The following HRH2 variants were observed in gnomAD, a reference collection of about 807,000 sequenced individuals.
HRH2 encodes histamine H2 receptor.
Under a neutral mutation model 20.1 loss-of-function variants are expected in HRH2, and 4 were observed. The ratio of observed to expected loss-of-function variants is 0.20; its 90% CI spans 0.10 to 0.45. The LOEUF is 0.45. HRH2 is among the 20% of genes least tolerant of loss of function. The pLI is 0.99. For synonymous variants in HRH2, 197 were observed against 200.7 expected (o/e 0.98, Z 0.16); for missense variants, 250 against 461.6 (o/e 0.54, Z 4.20).
intron 1 of HRH2, among the ~76,000 whole-genome samples, chr5:175,671,231 C>T (rs1402967483): frequency 1.3e-5 from 2 of 152,180 alleles, no homozygotes; most frequent in Non-Finnish European, 1.5e-5. Flanking sequence ...GTTTGTGGGG[C>T]ACCGCATGGG....
chr5:175,671,343 C>T (rs1755533159), intron 1 of HRH2, among the ~76,000 whole-genome samples: 1 of 152,110 alleles, frequency 6.6e-6, no homozygotes, highest in African/African-American at 2.4e-5. Flanking sequence ...TTAAGGTGAC[C>T]CAGCTGGTTG....
At position 175,664,540 on chromosome 5, in the gene HRH2, G is replaced by A. The variant is rs112779388; in HGVS notation, c.-526+6385G>A. Among the ~76,000 whole-genome samples, 491 of 152,284 alleles carry A rather than the reference G, an allele frequency of 3.2e-3. 4 individuals are homozygous for A. The highest frequency in any genetic ancestry group is 0.011 in the African/African-American group (453 of 41,554). Reference sequence around the variant, plus strand: ...TTCAGGATGATTAGGCTTGACCTGAGACCCCAGGGCAGTGGGGGCAGGCAG... The same window carrying A: ...TTCAGGATGATTAGGCTTGACCTGAAACCCCAGGGCAGTGGGGGCAGGCAG... On this transcript the variant is annotated intron_variant, in intron 1 of 2. Coordinates refer to ENST00000636584, the MANE Select transcript of HRH2 (RefSeq NM_001367711.1).
Position 175,686,621 on chromosome 5 carries a change from G to A in HRH2, c.1076+2312G>A, listed in dbSNP as rs1245579390. Among the ~76,000 whole-genome samples the A allele has an allele frequency of 6.6e-6, 1 of 152,224 alleles. No homozygotes were observed. Among genetic ancestry groups the A allele is most frequent in the African/African-American group, 2.4e-5 (1 of 41,460 alleles). On this transcript the variant is annotated intron_variant, in intron 2 of 2. Coordinates refer to ENST00000636584, the MANE Select transcript of HRH2 (RefSeq NM_001367711.1). The surrounding 1 kb of genome is among the most constrained non-coding windows in gnomAD (Gnocchi z 4.7). ...ACATGCCAAGGATTGAAGCCCAGAT[G>A]GGGCTGGCGCATGGGCCCGGGAGCC...
At chr5:175,675,060 C>G (rs1201420296) in intron 1 of HRH2, among the ~76,000 whole-genome samples, 1 of 152,188 alleles carries the variant, frequency 6.6e-6, no homozygotes, top group African/African-American at 2.4e-5. Context: ...CGGTTCAAAT[C>G]CTGACTTTGC....
chr5:175,688,374 C>T (rs1006236840), intron 2 of HRH2, among the ~76,000 whole-genome samples: 1 of 152,240 alleles, frequency 6.6e-6, no homozygotes, highest in African/African-American at 2.4e-5. Flanking sequence ...TGCTGCCTTT[C>T]CTGCCACCTC....
rs1029397338 is a variant in HRH2, at chr5:175,681,282, C to T, written c.-525-1427C>T. 6.6e-6 allele frequency among the ~76,000 whole-genome samples: 1 copy of T among 152,160 alleles called. No homozygotes were observed. Among genetic ancestry groups the T allele is most frequent in the Admixed American group, 6.5e-5 (1 of 15,278 alleles). On this transcript the variant is annotated intron_variant, in intron 1 of 2. Coordinates refer to ENST00000636584, the MANE Select transcript of HRH2 (RefSeq NM_001367711.1). This position sits in a 1 kb window ranked among gnomAD's most constrained non-coding sequence, Gnocchi z 4.3. ...GCCAGGGAGCGTGGCAGAAGGTGAT[C>T]GGGAACCCTGATCCCTGCACGAACA...
intron 2 of HRH2, among the ~76,000 whole-genome samples, chr5:175,688,544 CGTT>C (rs1353567693): frequency 1.3e-5 from 2 of 152,238 alleles, no homozygotes; most frequent in African/African-American, 4.8e-5. Context: ...CTACAGCAGG[CGTT>C]GTCACGGCGT....
rs186889739 is a variant in HRH2 at position 175,690,542 on chromosome 5, C to T, written c.1076+6233C>T. 5.8e-5 allele frequency among the ~76,000 whole-genome samples: 8 copies of T among 137,982 alleles called. No individual in the cohort carries two copies. In the East Asian group the frequency reaches 7.7e-4, roughly 13 times the overall value. 90.5% of individuals were successfully genotyped at this position (137,982 alleles called of 152,430 possible). A position where few individuals can be genotyped will look rare whatever the true frequency, so the allele number is the denominator to read the frequency against. ...TCTTTTTCTTGTTCCTGTCTGTCTG[C>T]CTGCCTGCCTGCCTGCCTTTTTCTT... On this transcript the variant is annotated intron_variant, in intron 2 of 2. Transcript: ENST00000636584.
intron 1 of HRH2, among the ~76,000 whole-genome samples, chr5:175,664,794 T>C (rs1472329842): frequency 2.0e-5 from 3 of 152,122 alleles, no homozygotes; most frequent in African/African-American, 7.2e-5. Context: ...CCCACCACCA[T>C]GCATGCTGCT....
chr5:175,667,942 C>T (rs899337622), intron 1 of HRH2, among the ~76,000 whole-genome samples: 4 of 152,092 alleles, frequency 2.6e-5, no homozygotes, highest in African/African-American at 4.8e-5. Context: ...TAAGTGGTGG[C>T]GGGGATGCAA....
intron 1 of HRH2, among the ~76,000 whole-genome samples, chr5:175,682,423 G>A (rs1418282514): frequency 6.6e-6 from 1 of 152,192 alleles, no homozygotes; most frequent in African/African-American, 2.4e-5. Context: ...TTGTGGAGCT[G>A]AAAGTCTGTG....
chr5:175,703,309 AT>A (rs1198297859), intron 2 of HRH2, among the ~76,000 whole-genome samples: 1 of 152,192 alleles, frequency 6.6e-6, no homozygotes, highest in Admixed American at 6.5e-5. Flanking sequence ...AGTTGTAAAC[AT>A]TTTTTAATAG....
rs1022066193 is a variant in HRH2 at position 175,681,902 on chromosome 5, G to T, written c.-525-807G>T. 3.3e-5 allele frequency among the ~76,000 whole-genome samples: 5 copies of T among 152,208 alleles called. No individual in the cohort carries two copies. Among genetic ancestry groups the T allele is most frequent in the African/African-American group, 9.6e-5 (4 of 41,462 alleles). On this transcript the variant is annotated intron_variant, in intron 1 of 2. Coordinates refer to ENST00000636584, the MANE Select transcript of HRH2 (RefSeq NM_001367711.1). The surrounding 1 kb of genome is among the most constrained non-coding windows in gnomAD (Gnocchi z 4.3). ...GAGATGCGTTCGGAGCAGGGGTGGCGTGGATGACAGGTGACGAACTGCCGA... is the reference window on the plus strand; with the variant it reads ...GAGATGCGTTCGGAGCAGGGGTGGCTTGGATGACAGGTGACGAACTGCCGA...
chr5:175,701,001 TAGC>T (rs1158869370), intron 2 of HRH2, among the ~76,000 whole-genome samples: 4 of 152,158 alleles, frequency 2.6e-5, no homozygotes, highest in African/African-American at 7.2e-5. Context: ...ATGCAAGAAA[TAGC>T]AGGATAACAC....
intron 1 of HRH2, among the ~76,000 whole-genome samples, chr5:175,671,135 C>G (rs962050576): frequency 6.6e-6 from 1 of 152,208 alleles, no homozygotes; most frequent in African/African-American, 2.4e-5. Context: ...GAGGACAGTT[C>G]TGTGCACAGA....
At chr5:175,684,403 T>C in intron 2 of HRH2, 94 bp downstream of exon 2, 1 of 1,513,156 alleles carries the variant, frequency 6.6e-7, no homozygotes, top group Non-Finnish European at 8.9e-7. Flanking sequence ...TAGGTGGTGC[T>C]GGTTTATGTT....
Position 175,683,245 on chromosome 5 carries a change from T to C in HRH2, c.12T>C (p.Asn4=), listed in dbSNP as rs777558081. The C allele has an allele frequency of 6.2e-7, 1 of 1,613,708 alleles. No individual in the cohort carries two copies. The highest frequency in any genetic ancestry group is 8.5e-7 in the Non-Finnish European group (1 of 1,179,622). The change falls in exon 2 of 3, where the codon AAT becomes AAC. Residue 4 remains asparagine (N), a synonymous_variant. Transcript: ENST00000636584. ...CGTAGAGTCCCAGGATGGCACCCAA[T>C]GGCACAGCCTCTTCCTTTTGCCTGG... The part of the protein sequence containing the change: MAP[N]GTASSFCLDS...
intron 2 of HRH2, among the ~76,000 whole-genome samples, chr5:175,697,745 C>T (rs1216772409): frequency 6.6e-6 from 1 of 152,204 alleles, no homozygotes; most frequent in Non-Finnish European, 1.5e-5. Context: ...ATTCCTCAAT[C>T]AAGACCTTCA....
intron 1 of HRH2, among the ~76,000 whole-genome samples, chr5:175,673,331 G>A (rs1395992904): frequency 6.6e-6 from 1 of 151,960 alleles, no homozygotes; most frequent in Non-Finnish European, 1.5e-5. Flanking sequence ...TGGGAATCAA[G>A]AAGAATGCCT....
Sources: gnomAD v4.1 joint callset for allele counts (sites outside exome capture counted in the v4.1 genomes callset) on GRCh38, gnomAD v4.1.1 for gene constraint, Gnocchi (gnomAD v3.1) non-coding constraint, MANE v1.5 for transcripts, NCBI Gene and HGNC (gene_info 2026-07-23, HGNC 2026-07-21) for gene names.